FBXL7: variants seen among roughly 807,000 people sequenced by gnomAD.
FBXL7 encodes F-box/LRR-repeat protein 7.
FBXL7 carries 12 observed loss-of-function variants against 38.3 expected under a neutral mutation model. That is an observed-to-expected ratio of 0.31 (90% confidence interval 0.20 to 0.51). The LOEUF is 0.51. Ranked by LOEUF, FBXL7 falls within the 20% of genes least tolerant of loss-of-function variation. FBXL7 has a pLI of 0.98. For missense variants in FBXL7, 567 were observed against 676.4 expected (o/e 0.84, Z 1.79); for synonymous variants, 297 against 300.9 (o/e 0.99, Z 0.13).
chr5:15,712,124 C>CT (rs773357484), intron 2 of FBXL7, among the ~76,000 whole-genome samples: 24 of 152,130 alleles, frequency 1.6e-4, no homozygotes, highest in Non-Finnish European at 2.4e-4. Flanking sequence ...GAGGGGTTAT[C>CT]TTTTCATCTG....
intron 2 of FBXL7, among the ~76,000 whole-genome samples, chr5:15,702,746 G>A (rs914151389): frequency 1.3e-5 from 2 of 151,960 alleles, no homozygotes; most frequent in African/African-American, 2.4e-5. Flanking sequence ...TTTCATGCGC[G>A]TCCATGTGAA....
At chr5:15,520,133 A>T (rs1737058627) in intron 1 of FBXL7, among the ~76,000 whole-genome samples, 1 of 152,216 alleles carries the variant, frequency 6.6e-6, no homozygotes, top group Non-Finnish European at 1.5e-5. Flanking sequence ...CAGTGAGGAC[A>T]ACCAGAGGTC....
chr5:15,904,815 A>G (rs1473802679), intron 2 of FBXL7, among the ~76,000 whole-genome samples: 8 of 152,158 alleles, frequency 5.3e-5, no homozygotes, highest in Non-Finnish European at 1.2e-4. Context: ...CCATGTCACA[A>G]TGTAAAATCA....
At chr5:15,595,312 G>A (rs181021429) in intron 1 of FBXL7, among the ~76,000 whole-genome samples, 433 of 152,236 alleles carry the variant, frequency 2.8e-3, no homozygotes, top group Middle Eastern at 0.014. Flanking sequence ...AAAATGGATC[G>A]GGAGGGGAAG....
intron 1 of FBXL7, among the ~76,000 whole-genome samples, chr5:15,602,005 G>A (rs1739811210): frequency 6.6e-6 from 1 of 152,028 alleles, no homozygotes; most frequent in African/African-American, 2.4e-5. Flanking sequence ...GCACACAGAG[G>A]GAAGACAGCC....
At chr5:15,871,777 A>T (rs1354047006) in intron 2 of FBXL7, among the ~76,000 whole-genome samples, 2 of 152,206 alleles carry the variant, frequency 1.3e-5, no homozygotes, top group Non-Finnish European at 2.9e-5. Context: ...AGCCTCCAGG[A>T]AATATGGGAC....
intron 1 of FBXL7, among the ~76,000 whole-genome samples, chr5:15,598,412 AT>A (rs919398460): frequency 1.4e-4 from 22 of 151,998 alleles, no homozygotes; most frequent in Admixed American, 1.2e-3. Flanking sequence ...TAGGATGAAG[AT>A]TTTTTTTCCC....
intron 2 of FBXL7, among the ~76,000 whole-genome samples, chr5:15,863,050 C>T (rs569212763): frequency 2.6e-5 from 4 of 152,118 alleles, no homozygotes; most frequent in Non-Finnish European, 4.4e-5. Flanking sequence ...AGGGGTATCT[C>T]GGTTGACTGC....
At chr5:15,681,917 G>A (rs573362042) in intron 2 of FBXL7, among the ~76,000 whole-genome samples, 1 of 152,278 alleles carries the variant, frequency 6.6e-6, no homozygotes, top group East Asian at 1.9e-4. Context: ...CTTTTTACAA[G>A]GAATACAACA....
chr5:15,780,070 C>T (rs180726654), intron 2 of FBXL7, among the ~76,000 whole-genome samples: 73 of 152,198 alleles, frequency 4.8e-4, no homozygotes, highest in African/African-American at 1.7e-3. Context: ...TCCTTTGAAA[C>T]ATGGAGGGGC....
intron 2 of FBXL7, among the ~76,000 whole-genome samples, chr5:15,742,324 G>A (rs1158242531): frequency 6.6e-6 from 1 of 152,184 alleles, no homozygotes; most frequent in Non-Finnish European, 1.5e-5. Context: ...CTCTAACAAG[G>A]AGGATGCAAA....
intron 1 of FBXL7, among the ~76,000 whole-genome samples, chr5:15,592,718 G>A (rs560145912): frequency 9.2e-5 from 14 of 152,224 alleles, no homozygotes; most frequent in African/African-American, 2.9e-4. Context: ...AGTTTTTGGA[G>A]TTGTTTGTTT....
chr5:15,582,440 T>A (rs569667214), intron 1 of FBXL7, among the ~76,000 whole-genome samples: 1 of 152,358 alleles, frequency 6.6e-6, no homozygotes, highest in South Asian at 2.1e-4. Context: ...TATATGTTCA[T>A]ACAAGGGTAA....
At chr5:15,869,277 T>A (rs1739850212) in intron 2 of FBXL7, among the ~76,000 whole-genome samples, 1 of 152,138 alleles carries the variant, frequency 6.6e-6, no homozygotes, top group Non-Finnish European at 1.5e-5. Flanking sequence ...TTAGAGGTGA[T>A]TACACAAGGG....
chr5:15,544,729 A>G (rs629654), intron 1 of FBXL7, among the ~76,000 whole-genome samples: 13,401 of 152,168 alleles, frequency 0.088, 1,810 homozygotes, highest in African/African-American at 0.29. Flanking sequence ...GCCCAGTGGG[A>G]GGCATTTCTA....
At chr5:15,511,430 G>A (rs1168604268) in intron 1 of FBXL7, among the ~76,000 whole-genome samples, 1 of 152,204 alleles carries the variant, frequency 6.6e-6, no homozygotes, top group African/African-American at 2.4e-5. Context: ...CTACACACAA[G>A]CAAAAGCTCA....
chr5:15,663,474 C>A (rs1742160047), intron 2 of FBXL7, among the ~76,000 whole-genome samples: 1 of 152,048 alleles, frequency 6.6e-6, no homozygotes, highest in African/African-American at 2.4e-5. Flanking sequence ...ATAGATGGCT[C>A]TTATTATTTT....
At chr5:15,501,736 C>G in intron 1 of FBXL7, 1 of 985,448 alleles carries the variant, frequency 1.0e-6, no homozygotes, top group South Asian at 4.7e-5. Context: ...GGGTGTCTCT[C>G]CTCGTTTCTC....
chr5:15,638,113 A>G (rs1741245491), intron 2 of FBXL7, among the ~76,000 whole-genome samples: 1 of 152,226 alleles, frequency 6.6e-6, no homozygotes, highest in African/African-American at 2.4e-5. Flanking sequence ...TGATCAGTCT[A>G]TGACAAAGGC....
Sources: allele counts gnomAD v4.1 joint callset (sites outside exome capture counted in the v4.1 genomes callset), GRCh38; gene constraint gnomAD v4.1.1; transcripts MANE v1.5; gene names NCBI Gene and HGNC (gene_info 2026-07-23, HGNC 2026-07-21).